LMX1A: variants seen among roughly 807,000 people sequenced by gnomAD.
The protein encoded by LMX1A is LIM homeobox transcription factor 1 alpha, also known as LIM homeobox transcription factor 1-alpha.
A neutral mutation model predicts 49.1 loss-of-function variants in LMX1A; 15 were observed. The ratio of observed to expected loss-of-function variants is 0.31; its 90% CI spans 0.20 to 0.47. The LOEUF is 0.47. LMX1A is among the 20% of genes least tolerant of loss of function. LMX1A has a pLI of 1.00. For missense variants in LMX1A, 372 were observed against 475.8 expected (o/e 0.78, Z 2.03); for synonymous variants, 167 against 185.7 (o/e 0.90, Z 0.82).
chr1:165,247,054 C>CTTTTTTTTTTTTTTTTTT (rs71097567), intron 4 of LMX1A, among the ~76,000 whole-genome samples: 1,755 of 53,220 alleles, frequency 0.033, 584 homozygotes, highest in African/African-American at 0.035. Flanking sequence ...TCAGCTTTTT[C>CTTTTTTTTTTTTTTTTTT]TTTTTTTTTT....
chr1:165,309,467 C>T (rs541880617), intron 3 of LMX1A, among the ~76,000 whole-genome samples: 9 of 152,310 alleles, frequency 5.9e-5, no homozygotes, highest in African/African-American at 1.7e-4. Context: ...CTGTGACCTT[C>T]CCCCAGGCCT....
rs1290772118 is a variant in LMX1A at position 165,205,938 on chromosome 1, C to G, written c.914G>C (p.Ser305Thr). 5.6e-6 allele frequency: 9 copies of G among 1,613,918 alleles called. No homozygotes were observed. The highest frequency in any genetic ancestry group is 1.3e-5 in the African/African-American group (1 of 74,882). Residue 305 changes from serine to threonine, a missense_variant, in exon 8 of 9, where the codon AGT becomes ACT. Physicochemically the swap from Ser to Thr is moderately conservative, Grantham distance 58. Transcript: ENST00000342310. ...TCGGAAGGGATCTGAGCTGTAGACA[C>G]TCTGCTCGATGGCCAGGAGCTGCTG... ...TPQQLLAIEQ[S>T]VYSSDPFRQG...
chr1:165,236,920 A>G (rs1652470001), intron 4 of LMX1A, among the ~76,000 whole-genome samples: 1 of 152,024 alleles, frequency 6.6e-6, no homozygotes, highest in African/African-American at 2.4e-5. Context: ...GGGTAACTCA[A>G]GAATATAATA....
At chr1:165,218,890 C>T (rs1328583350) in intron 4 of LMX1A, 1 of 152,202 alleles carries the variant, frequency 6.6e-6, no homozygotes, top group Non-Finnish European at 1.5e-5. Flanking sequence ...ATGAAAGGAA[C>T]ACCACTCGCT....
intron 3 of LMX1A, among the ~76,000 whole-genome samples, chr1:165,281,757 T>C (rs1282641648): frequency 6.6e-6 from 1 of 151,882 alleles, no homozygotes; most frequent in Non-Finnish European, 1.5e-5. Flanking sequence ...TGTGTGTGTG[T>C]GTGTGTGTGT....
At chr1:165,237,226 CTTTA>C (rs1055208783) in intron 4 of LMX1A, among the ~76,000 whole-genome samples, 1 of 152,122 alleles carries the variant, frequency 6.6e-6, no homozygotes, top group African/African-American at 2.4e-5. Context: ...CACTCTCTAT[CTTTA>C]TTTATTTATT....
rs34912339 is a variant in LMX1A, at chr1:165,313,471, C to CTTTTTTTTTTTTTTTTTTTTTT, written c.263+39604_263+39605insAAAAAAAAAAAAAAAAAAAAAA. Reference sequence around the variant, plus strand: ...ATACTTAGTCACACACACCTTCTTCCTTTTTTTTTTTTTTTTTTTTTGTTG... The same window carrying CTTTTTTTTTTTTTTTTTTTTTT: ...ATACTTAGTCACACACACCTTCTTCCTTTTTTTTTTTTTTTTTTTTTTTTTTTTTTTTTTTTTTTTTTTGTTG... On this transcript the variant is annotated intron_variant, in intron 3 of 8. Coordinates refer to ENST00000342310, the MANE Select transcript of LMX1A (RefSeq NM_177398.4). Among the ~76,000 whole-genome samples the CTTTTTTTTTTTTTTTTTTTTTT allele has an allele frequency of 9.6e-5, 11 of 114,826 alleles. 2 individuals carry two copies. Among genetic ancestry groups the CTTTTTTTTTTTTTTTTTTTTTT allele is most frequent in the Non-Finnish European group, 1.2e-4 (7 of 57,170 alleles). 75.3% of individuals were successfully genotyped at this position (114,826 alleles called of 152,430 possible).
chr1:165,287,239 G>A (rs1051693098), intron 3 of LMX1A, among the ~76,000 whole-genome samples: 4 of 152,130 alleles, frequency 2.6e-5, no homozygotes, highest in Admixed American at 2.0e-4. Flanking sequence ...TCTGAAGATG[G>A]TTCGGGGGCA....
At chr1:165,240,236 T>C (rs1346372498) in intron 4 of LMX1A, among the ~76,000 whole-genome samples, 1 of 152,190 alleles carries the variant, frequency 6.6e-6, no homozygotes, top group Non-Finnish European at 1.5e-5. Flanking sequence ...AAAACATGAC[T>C]CTAGAGGAAA....
chr1:165,331,702 A>G (rs1214169562), intron 3 of LMX1A, among the ~76,000 whole-genome samples: 2 of 152,192 alleles, frequency 1.3e-5, no homozygotes, highest in Non-Finnish European at 2.9e-5. Flanking sequence ...GAATCCCTTG[A>G]GCCCAGGAGT....
intron 3 of LMX1A, among the ~76,000 whole-genome samples, chr1:165,310,590 G>A (rs937613844): frequency 6.6e-6 from 1 of 152,244 alleles, no homozygotes; most frequent in African/African-American, 2.4e-5. Flanking sequence ...GCAACCAACA[G>A]AAGGCTCATG....
At chr1:165,318,896 G>A (rs146732543) in intron 3 of LMX1A, among the ~76,000 whole-genome samples, 82 of 152,062 alleles carry the variant, frequency 5.4e-4, no homozygotes, top group African/African-American at 9.6e-5. Flanking sequence ...ATCTTGTAAC[G>A]TGGAAGAAAC....
At chr1:165,311,674 T>G (rs1655080255) in intron 3 of LMX1A, among the ~76,000 whole-genome samples, 1 of 152,250 alleles carries the variant, frequency 6.6e-6, no homozygotes, top group Non-Finnish European at 1.5e-5. Flanking sequence ...AGGCAACCTC[T>G]AAACTGTAGC....
At chr1:165,204,231 T>G (rs1312323431) in intron 8 of LMX1A, among the ~76,000 whole-genome samples, 191 bp from the exon 9 acceptor site, 1 of 152,128 alleles carries the variant, frequency 6.6e-6, no homozygotes, top group African/African-American at 2.4e-5. Flanking sequence ...TAAACCAGGA[T>G]ATGACAAAGT....
chr1:165,313,487 T>G (rs987061444), intron 3 of LMX1A, among the ~76,000 whole-genome samples: 11 of 150,630 alleles, frequency 7.3e-5, no homozygotes, highest in African/African-American at 2.7e-4. Context: ...TTTTTTTTTT[T>G]TTTTTGTTGT....
intron 4 of LMX1A, among the ~76,000 whole-genome samples, chr1:165,245,074 A>G (rs1176102556): frequency 6.6e-6 from 1 of 152,138 alleles, no homozygotes; most frequent in Non-Finnish European, 1.5e-5. Context: ...TCACAGAACC[A>G]TAGATTCTTT....
At chr1:165,353,659 T>G (rs1459942150) in intron 2 of LMX1A, among the ~76,000 whole-genome samples, 1 of 152,224 alleles carries the variant, frequency 6.6e-6, no homozygotes, top group East Asian at 1.9e-4. Context: ...TTTTAAAAAC[T>G]GAGAATGCAT....
intron 3 of LMX1A, among the ~76,000 whole-genome samples, chr1:165,325,512 G>A (rs1327114301): frequency 6.6e-6 from 1 of 151,440 alleles, no homozygotes; most frequent in Non-Finnish European, 1.5e-5. Context: ...CTTTTCACAA[G>A]CTATCCAGTG....
chr1:165,266,977 C>G (rs1171584459), intron 3 of LMX1A, among the ~76,000 whole-genome samples: 8 of 151,842 alleles, frequency 5.3e-5, no homozygotes, highest in Non-Finnish European at 1.0e-4. Context: ...CTCTTTCTTT[C>G]TCTTTTCCTT....
Sources: allele counts gnomAD v4.1 joint callset (sites outside exome capture counted in the v4.1 genomes callset), GRCh38; gene constraint gnomAD v4.1.1; transcripts MANE v1.5; gene names NCBI Gene and HGNC (gene_info 2026-07-23, HGNC 2026-07-21).